Variants in CFAP54 observed in about 807,000 individuals in gnomAD.
CFAP54 encodes the protein cilia and flagella associated protein 54.
Under a neutral mutation model 370.4 loss-of-function variants are expected in CFAP54, and 290 were observed. The ratio of observed to expected loss-of-function variants is 0.78; its 90% CI spans 0.71 to 0.86. The LOEUF is 0.86. CFAP54 is among the 40% of genes least tolerant of loss of function. The pLI is 0.00. For synonymous variants in CFAP54, 1,206 were observed against 1,236.5 expected (o/e 0.98, Z 0.52); for missense variants, 3,399 against 3,528.7 (o/e 0.96, Z 0.93).
intron 1 of CFAP54, among the ~76,000 whole-genome samples, chr12:96,491,096 A>G (rs927030934): frequency 2.0e-5 from 3 of 152,074 alleles, no homozygotes; most frequent in Non-Finnish European, 4.4e-5. Flanking sequence ...TTGACCTCCC[A>G]AAGTATTGGA....
At chr12:96,526,657 T>C (rs919623271) in intron 8 of CFAP54, among the ~76,000 whole-genome samples, 1 of 152,206 alleles carries the variant, frequency 6.6e-6, no homozygotes, top group African/African-American at 2.4e-5. Context: ...TATGGAGATA[T>C]ATGCTTGCTT....
chr12:96,508,948 G>A (rs565959036), intron 4 of CFAP54, among the ~76,000 whole-genome samples: 2 of 152,172 alleles, frequency 1.3e-5, no homozygotes, highest in Admixed American at 1.3e-4. Flanking sequence ...CTGTGCCTAG[G>A]AGTGGAATTA....
intron 50 of CFAP54, among the ~76,000 whole-genome samples, chr12:96,736,880 A>T (rs1258055671): frequency 6.6e-6 from 1 of 152,194 alleles, no homozygotes; most frequent in Non-Finnish European, 1.5e-5. Flanking sequence ...CTGTGAAAAG[A>T]CAGAGATGGT....
intron 66 of CFAP54, among the ~76,000 whole-genome samples, chr12:96,842,773 C>G (rs1464958244): frequency 6.6e-6 from 1 of 152,162 alleles, no homozygotes; most frequent in Non-Finnish European, 1.5e-5. Flanking sequence ...TTCTCTCCTT[C>G]CTACTACTTT....
intron 36 of CFAP54, among the ~76,000 whole-genome samples, chr12:96,653,241 G>A (rs1414294045): frequency 6.6e-6 from 1 of 152,220 alleles, no homozygotes; most frequent in East Asian, 1.9e-4. Context: ...AGGGGCTATG[G>A]AAACCCCTGA....
intron 48 of CFAP54, among the ~76,000 whole-genome samples, chr12:96,711,510 G>A (rs1224172666): frequency 6.6e-6 from 1 of 152,122 alleles, no homozygotes; most frequent in African/African-American, 2.4e-5. Context: ...GGTGAGGCTG[G>A]GTGGAACAAG....
At chr12:96,611,973 G>A (rs1956363297) in intron 26 of CFAP54, among the ~76,000 whole-genome samples, 1 of 152,202 alleles carries the variant, frequency 6.6e-6, no homozygotes, top group South Asian at 2.1e-4. Context: ...ACACTCTGCA[G>A]GATATTATCC....
intron 8 of CFAP54, among the ~76,000 whole-genome samples, chr12:96,522,476 T>C (rs7297965): frequency 0.27 from 40,637 of 152,166 alleles, 5,738 homozygotes; most frequent in South Asian, 0.38. Context: ...TGCAAATGAA[T>C]AGGCCTCTGA....
At position 96,709,654 on chromosome 12, in the gene CFAP54, C is replaced by T. The variant is rs147477249; in HGVS notation, c.6724+851C>T. Among the ~76,000 whole-genome samples, 99 of 151,440 alleles carry T rather than the reference C, an allele frequency of 6.5e-4. No individual in the cohort carries two copies. The East Asian group carries it at 0.017, about 26-fold the overall frequency. ...TATGTTACATTAACTGATTTTTGGTCGTTTAACCAACCTTACATTCTTGGG... is the reference window on the plus strand; with the variant it reads ...TATGTTACATTAACTGATTTTTGGTTGTTTAACCAACCTTACATTCTTGGG... On this transcript the variant is annotated intron_variant, in intron 48 of 67. Coordinates refer to ENST00000524981, the MANE Select transcript of CFAP54 (RefSeq NM_001306084.2).
At chr12:96,734,556 T>C (rs997770824) in intron 50 of CFAP54, among the ~76,000 whole-genome samples, 2 of 152,234 alleles carry the variant, frequency 1.3e-5, no homozygotes, top group Non-Finnish European at 2.9e-5. Flanking sequence ...GTTTGCACTG[T>C]TATTATCATC....
intron 66 of CFAP54, among the ~76,000 whole-genome samples, chr12:96,854,300 A>G (rs1565762199): frequency 6.6e-6 from 1 of 152,148 alleles, no homozygotes; most frequent in African/African-American, 2.4e-5. Flanking sequence ...TGTTTCTTGT[A>G]TTTTTCTGAA....
At chr12:96,721,571 T>A (rs1238015241) in intron 50 of CFAP54, among the ~76,000 whole-genome samples, 3 of 152,240 alleles carry the variant, frequency 2.0e-5, no homozygotes, top group African/African-American at 7.2e-5. Flanking sequence ...AGTTTCTCCA[T>A]GCCATTTGTG....
At chr12:96,609,261 G>C (rs815880) in intron 26 of CFAP54, among the ~76,000 whole-genome samples, 120,740 of 152,180 alleles carry the variant, frequency 0.79, 48,069 homozygotes, top group East Asian at 0.86. Flanking sequence ...TTAGGACAGT[G>C]TCATTGTCAA....
At chr12:96,745,351 GTT>G (rs1412538374) in intron 55 of CFAP54, among the ~76,000 whole-genome samples, 2 of 152,172 alleles carry the variant, frequency 1.3e-5, no homozygotes, top group East Asian at 3.9e-4. Context: ...AGCATCTGTT[GTT>G]TTTTGACTTT....
intron 58 of CFAP54, among the ~76,000 whole-genome samples, chr12:96,761,081 C>T (rs1167889711): frequency 6.6e-6 from 1 of 152,152 alleles, no homozygotes; most frequent in Non-Finnish European, 1.5e-5. Flanking sequence ...ACATCCTTAC[C>T]AGCAGTATAT....
intron 4 of CFAP54, among the ~76,000 whole-genome samples, chr12:96,509,815 C>CAA (rs61180247): frequency 0.14 from 20,232 of 144,936 alleles, 1,489 homozygotes; most frequent in Middle Eastern, 0.19. Flanking sequence ...GTCTCCATCT[C>CAA]AAAAAAAAAA....
At chr12:96,596,473 A>G (rs1956179976) in intron 25 of CFAP54, among the ~76,000 whole-genome samples, 1 of 152,160 alleles carries the variant, frequency 6.6e-6, no homozygotes, top group Admixed American at 6.5e-5. Context: ...TTCAGTGGAA[A>G]GAGAATGGAC....
intron 1 of CFAP54, 120 bp from the exon 2 acceptor site, chr12:96,500,714 T>A: frequency 1.8e-6 from 1 of 561,628 alleles, no homozygotes; most frequent in South Asian, 2.9e-5. Flanking sequence ...TAATTGGACA[T>A]TAACAATAAG....
chr12:96,840,271 C>T (rs1438027998), intron 66 of CFAP54, among the ~76,000 whole-genome samples: 2 of 152,202 alleles, frequency 1.3e-5, no homozygotes, highest in South Asian at 4.1e-4. Context: ...CTCAAAGCAA[C>T]CTTTGAAATA....
Sources: allele counts gnomAD v4.1 joint callset (sites outside exome capture counted in the v4.1 genomes callset), GRCh38; gene constraint gnomAD v4.1.1; transcripts MANE v1.5; gene names NCBI Gene and HGNC (gene_info 2026-07-23, HGNC 2026-07-21).